DAB1: variants seen among roughly 807,000 people sequenced by gnomAD.
DAB1 encodes DAB adaptor protein 1, also known as disabled homolog 1.
DAB1 carries 15 observed loss-of-function variants against 64.6 expected under a neutral mutation model. That is an observed-to-expected ratio of 0.23 (90% confidence interval 0.16 to 0.36). The LOEUF is 0.36. DAB1 is among the 10% of genes least tolerant of loss of function. The pLI is 1.00. For synonymous variants in DAB1, 235 were observed against 251.9 expected (o/e 0.93, Z 0.64); for missense variants, 596 against 706.7 (o/e 0.84, Z 1.78).
chr1:57,472,380 A>G (rs540141906), intron 7 of DAB1, among the ~76,000 whole-genome samples: 4 of 152,300 alleles, frequency 2.6e-5, no homozygotes, highest in African/African-American at 9.6e-5. Context: ...CACCCCTCAT[A>G]TTGTCTTATG....
At chr1:57,217,502 G>A (rs1418453106) in intron 2 of DAB1, among the ~76,000 whole-genome samples, 2 of 151,974 alleles carry the variant, frequency 1.3e-5, no homozygotes, top group Admixed American at 6.6e-5. Context: ...AAAAGAAAAC[G>A]AACACAAATA....
At chr1:57,477,199 G>A (rs138443461) in intron 7 of DAB1, among the ~76,000 whole-genome samples, 19 of 152,304 alleles carry the variant, frequency 1.2e-4, no homozygotes, top group African/African-American at 4.3e-4. Flanking sequence ...GTTGAGTGCT[G>A]TGAGGTTTTG....
chr1:57,195,234 G>T (rs1239975054), intron 2 of DAB1, among the ~76,000 whole-genome samples: 1 of 152,028 alleles, frequency 6.6e-6, no homozygotes, highest in Admixed American at 6.5e-5. Flanking sequence ...GATCCACTGG[G>T]CTAACACAGC....
intron 2 of DAB1, among the ~76,000 whole-genome samples, chr1:57,221,034 T>C (rs1477056039): frequency 6.6e-6 from 1 of 152,206 alleles, no homozygotes; most frequent in African/African-American, 2.4e-5. Flanking sequence ...TAAGAAAATG[T>C]GGCACATATA....
intron 4 of DAB1, among the ~76,000 whole-genome samples, chr1:58,159,843 G>A (rs1346329023): frequency 1.3e-5 from 2 of 152,158 alleles, no homozygotes; most frequent in African/African-American, 2.4e-5. Context: ...AGGGTACCAA[G>A]GTCAGTTGTC....
intron 7 of DAB1, among the ~76,000 whole-genome samples, chr1:57,478,761 T>A (rs1034420020): frequency 7.0e-6 from 1 of 142,696 alleles, no homozygotes; most frequent in Non-Finnish European, 1.5e-5. Context: ...CCCAGCTAAC[T>A]TTTTTTTTTT....
chr1:57,115,511 T>C (rs1219535514), intron 4 of DAB1, among the ~76,000 whole-genome samples: 1 of 152,218 alleles, frequency 6.6e-6, no homozygotes, highest in Admixed American at 6.5e-5. Flanking sequence ...TGGCTACATG[T>C]GGCGCTTGAA....
At chr1:58,009,151 A>C (rs1206912473) in intron 5 of DAB1, among the ~76,000 whole-genome samples, 1 of 152,200 alleles carries the variant, frequency 6.6e-6, no homozygotes, top group Admixed American at 6.5e-5. Flanking sequence ...TAAAAGGTAT[A>C]TAGCATTACC....
At chr1:57,778,312 C>A (rs932693876) in intron 6 of DAB1, among the ~76,000 whole-genome samples, 2 of 151,784 alleles carry the variant, frequency 1.3e-5, no homozygotes, top group Admixed American at 1.3e-4. Context: ...CTTCTAGATG[C>A]CTCAGTTTCA....
intron 4 of DAB1, among the ~76,000 whole-genome samples, chr1:58,198,956 A>C (rs560125972): frequency 4.7e-4 from 72 of 152,232 alleles, no homozygotes; most frequent in African/African-American, 1.6e-3. Flanking sequence ...AAATACAAAA[A>C]ATTAGCTGGG....
chr1:58,004,492 T>C (rs1646551971), intron 5 of DAB1, among the ~76,000 whole-genome samples: 1 of 152,078 alleles, frequency 6.6e-6, no homozygotes, highest in Non-Finnish European at 1.5e-5. Context: ...AGGACCTCAG[T>C]AGCTTATGGG....
chr1:57,855,965 G>A (rs1027762303), intron 1 of DAB1, among the ~76,000 whole-genome samples: 2 of 152,102 alleles, frequency 1.3e-5, no homozygotes, highest in South Asian at 4.2e-4. Context: ...ATGTGAAGAG[G>A]GAAGAATCAG....
chr1:57,424,238 C>A (rs1237648756), upstream of DAB1, among the ~76,000 whole-genome samples: 4 of 151,060 alleles, frequency 2.6e-5, no homozygotes, highest in Non-Finnish European at 4.4e-5. Flanking sequence ...AGCCCCTCGC[C>A]CCGGCCTCGC....
At chr1:58,010,106 C>T (rs1195269573) in intron 5 of DAB1, among the ~76,000 whole-genome samples, 1 of 152,170 alleles carries the variant, frequency 6.6e-6, no homozygotes, top group African/African-American at 2.4e-5. Flanking sequence ...CAATGCTGCA[C>T]TCTGCTAAAA....
intron 3 of DAB1, among the ~76,000 whole-genome samples, chr1:58,360,579 G>A (rs1479846838): frequency 6.6e-6 from 1 of 151,794 alleles, no homozygotes. Flanking sequence ...CACAACCATG[G>A]AGCTGGACTC....
intron 6 of DAB1, among the ~76,000 whole-genome samples, chr1:57,756,301 A>G (rs1569586158): frequency 1.3e-5 from 2 of 151,962 alleles, no homozygotes; most frequent in African/African-American, 4.9e-5. Context: ...TTTGATTAAT[A>G]TCATGACACA....
intron 1 of DAB1, among the ~76,000 whole-genome samples, chr1:57,840,182 A>T (rs1320751788): frequency 6.6e-6 from 1 of 152,206 alleles, no homozygotes; most frequent in Admixed American, 6.5e-5. Context: ...TGCTGAAGCC[A>T]CATAGAAATG....
At chr1:57,647,451 T>C (rs1237969857) in intron 7 of DAB1, among the ~76,000 whole-genome samples, 3 of 152,146 alleles carry the variant, frequency 2.0e-5, no homozygotes, top group Non-Finnish European at 4.4e-5. Flanking sequence ...CTTTGCTTAC[T>C]TATTTTCTTT....
At chr1:57,270,128 C>T (rs1175169795) in intron 2 of DAB1, among the ~76,000 whole-genome samples, 1 of 152,206 alleles carries the variant, frequency 6.6e-6, no homozygotes, top group African/African-American at 2.4e-5. Context: ...CCTCTCCAAA[C>T]ATGCCCTCTT....
Sources: allele counts gnomAD v4.1 joint callset (sites outside exome capture counted in the v4.1 genomes callset), GRCh38; gene constraint gnomAD v4.1.1; transcripts MANE v1.5; gene names NCBI Gene and HGNC (gene_info 2026-07-23, HGNC 2026-07-21).